The following SNX4 variants were observed in gnomAD, a reference collection of about 807,000 sequenced individuals.
The protein encoded by SNX4 is sorting nexin 4.
Under a neutral mutation model 70.8 loss-of-function variants are expected in SNX4, and 49 were observed. That is an observed-to-expected ratio of 0.69 (90% CI 0.55 to 0.88). SNX4 has a LOEUF of 0.88. Ranked by LOEUF, SNX4 falls within the 40% of genes least tolerant of loss-of-function variation. The pLI is 0.00. For synonymous variants in SNX4, 206 were observed against 183.8 expected (o/e 1.12, Z -0.98); for missense variants, 528 against 544.8 (o/e 0.97, Z 0.31).
chr3:125,495,285 C>CACAA (rs10691733), intron 5 of SNX4, among the ~76,000 whole-genome samples: 1 of 61,804 alleles, frequency 1.6e-5, no homozygotes. Flanking sequence ...TATACACATA[C>CACAA]ACACACACAC....
chr3:125,451,722 G>T (rs973198436), intron 12 of SNX4, among the ~76,000 whole-genome samples: 2 of 151,914 alleles, frequency 1.3e-5, no homozygotes, highest in Non-Finnish European at 2.9e-5. Flanking sequence ...TGCATTCCGG[G>T]TTTGAGCAAT....
chr3:125,480,159 A>G (rs1028723754), intron 7 of SNX4, 88 bp downstream of exon 7: 1 of 765,408 alleles, frequency 1.3e-6, no homozygotes, highest in Non-Finnish European at 2.0e-6. Flanking sequence ...ATTCATGGTA[A>G]ATACCACCTA....
intron 9 of SNX4, among the ~76,000 whole-genome samples, chr3:125,466,012 T>A (rs79156008): frequency 0.07 from 10,683 of 152,302 alleles, 481 homozygotes; most frequent in Non-Finnish European, 0.1. Context: ...TCCATGAACA[T>A]AGTTTATCTT....
rs767432586 is a variant in SNX4 at position 125,471,344 on chromosome 3, C to CAAAAAAAAAAAAAAAAAAAAAAA, written c.789-1848_789-1826dup. On this transcript the variant is annotated intron_variant, in intron 8 of 13. Transcript: ENST00000251775. Reference sequence around the variant, plus strand: ...GGGCAACAAGAGCAAAGCTCCATCTCAAAAAAAAAAAAAAAAAAAAAAAAA... The same window carrying CAAAAAAAAAAAAAAAAAAAAAAA: ...GGGCAACAAGAGCAAAGCTCCATCTCAAAAAAAAAAAAAAAAAAAAAAAAAAAAAAAAAAAAAAAAAAAAAAAA... Among the ~76,000 whole-genome samples the CAAAAAAAAAAAAAAAAAAAAAAA allele has an allele frequency of 1.6e-3, 44 of 28,164 alleles. 3 individuals are homozygous for CAAAAAAAAAAAAAAAAAAAAAAA. The highest frequency in any genetic ancestry group is 5.7e-3 in the South Asian group (3 of 530). The allele number at this position is 28,164 out of a possible 152,430, so 18.5% of individuals were successfully genotyped here. A position where few individuals can be genotyped will look rare whatever the true frequency, so the allele number is the denominator to read the frequency against.
intron 8 of SNX4, among the ~76,000 whole-genome samples, chr3:125,473,667 G>A (rs192690842): frequency 1.5e-3 from 224 of 152,200 alleles, no homozygotes; most frequent in African/African-American, 5.2e-3. Flanking sequence ...TGCCCGCATC[G>A]GCCTCTCAAA....
chr3:125,487,598 T>C (rs576328847), intron 6 of SNX4, among the ~76,000 whole-genome samples: 95 of 152,304 alleles, frequency 6.2e-4, no homozygotes, highest in African/African-American at 2.0e-3. Flanking sequence ...AGAGCTTTTT[T>C]TGAGGGTGAC....
intron 7 of SNX4, 115 bp from the exon 8 acceptor site, chr3:125,476,871 A>G: frequency 1.7e-6 from 1 of 596,322 alleles, no homozygotes; most frequent in Non-Finnish European, 2.9e-6. Context: ...AATAGAAAAA[A>G]GAAAAATAGT....
At chr3:125,472,317 C>T (rs1051458792) in intron 8 of SNX4, among the ~76,000 whole-genome samples, 2 of 151,940 alleles carry the variant, frequency 1.3e-5, no homozygotes, top group Admixed American at 1.3e-4. Flanking sequence ...TTTTTCATTA[C>T]TCTTATAGGT....
chr3:125,488,375 G>A (rs565273623), intron 6 of SNX4, among the ~76,000 whole-genome samples: 8 of 151,740 alleles, frequency 5.3e-5, no homozygotes, highest in African/African-American at 1.9e-4. Context: ...CTCGGGAGGC[G>A]GAGGCAGGAG....
intron 5 of SNX4, among the ~76,000 whole-genome samples, chr3:125,495,775 T>A (rs1173046490): frequency 6.6e-6 from 1 of 152,220 alleles, no homozygotes; most frequent in Non-Finnish European, 1.5e-5. Context: ...AATTTTTAAA[T>A]TTTTTGTTAT....
chr3:125,503,312 T>C (rs1239135556), intron 2 of SNX4, among the ~76,000 whole-genome samples: 2 of 152,212 alleles, frequency 1.3e-5, no homozygotes, highest in African/African-American at 2.4e-5. Flanking sequence ...AAAGAAATAG[T>C]ACACTATTCT....
intron 1 of SNX4, among the ~76,000 whole-genome samples, chr3:125,509,762 AAAAAAAAAAAAAAAAGACCC>A (rs1441179292): frequency 1.3e-5 from 2 of 151,162 alleles, no homozygotes; most frequent in Non-Finnish European, 3.0e-5. Flanking sequence ...CAAAAAAAAA[AAAAAAAAAAAAAAAAGACCC>A]AATTCAAAAA....
intron 8 of SNX4, among the ~76,000 whole-genome samples, chr3:125,471,222 T>C (rs1934161615): frequency 6.6e-6 from 1 of 151,512 alleles, no homozygotes; most frequent in South Asian, 2.1e-4. Flanking sequence ...CACATGCCTG[T>C]AATCCCAGCT....
intron 2 of SNX4, 126 bp from the exon 3 acceptor site, chr3:125,498,320 A>T: frequency 1.1e-6 from 1 of 951,392 alleles, no homozygotes; most frequent in South Asian, 1.8e-5. Flanking sequence ...AGAACTTTTC[A>T]TACATTTTTC....
intron 9 of SNX4, among the ~76,000 whole-genome samples, chr3:125,467,411 CAT>C (rs1356272160): frequency 6.6e-6 from 1 of 150,942 alleles, no homozygotes; most frequent in African/African-American, 2.4e-5. Flanking sequence ...CAAAAATAAA[CAT>C]AAAAATAAAG....
At chr3:125,472,043 C>T (rs1934186576) in intron 8 of SNX4, among the ~76,000 whole-genome samples, 1 of 152,142 alleles carries the variant, frequency 6.6e-6, no homozygotes, top group Non-Finnish European at 1.5e-5. Flanking sequence ...AGCCTAATTC[C>T]TGCTCATTTC....
intron 5 of SNX4, among the ~76,000 whole-genome samples, chr3:125,492,787 A>G (rs1934692855): frequency 6.6e-6 from 1 of 152,212 alleles, no homozygotes; most frequent in African/African-American, 2.4e-5. Context: ...CTCACACTGT[A>G]GGCACCAGCA....
At chr3:125,509,347 AAGAG>A (rs1935118007) in intron 1 of SNX4, among the ~76,000 whole-genome samples, 1 of 151,612 alleles carries the variant, frequency 6.6e-6, no homozygotes, top group East Asian at 1.9e-4. Flanking sequence ...AAAAAAAAAA[AAGAG>A]AGAAAGGACA....
chr3:125,467,131 A>G (rs962344973), intron 9 of SNX4, among the ~76,000 whole-genome samples: 16 of 150,246 alleles, frequency 1.1e-4, no homozygotes, highest in African/African-American at 3.4e-4. Flanking sequence ...TTACCCCTGT[A>G]ATCCAAGCAC....
Sources: allele counts gnomAD v4.1 joint callset (sites outside exome capture counted in the v4.1 genomes callset), GRCh38; gene constraint gnomAD v4.1.1; transcripts MANE v1.5; gene names NCBI Gene and HGNC (gene_info 2026-07-23, HGNC 2026-07-21).